Variants in USP54 observed in about 807,000 individuals in gnomAD.
USP54 encodes the protein ubiquitin specific peptidase 54.
A neutral mutation model predicts 170.5 loss-of-function variants in USP54; 87 were observed. The ratio of observed to expected loss-of-function variants is 0.51; its 90% CI spans 0.43 to 0.61. The LOEUF (loss-of-function observed/expected upper bound fraction) is 0.61. Ranked by LOEUF, USP54 falls within the 20% of genes least tolerant of loss-of-function variation. The pLI, the probability that USP54 is intolerant of heterozygous loss-of-function variation, is 0.00. For missense variants in USP54, 1,786 were observed against 2,047.8 expected (o/e 0.87, Z 2.47); for synonymous variants, 655 against 742.8 (o/e 0.88, Z 1.92).
At chr10:73,522,558 C>T (rs1055211080) in intron 17 of USP54, among the ~76,000 whole-genome samples, 7 of 152,116 alleles carry the variant, frequency 4.6e-5, no homozygotes, top group African/African-American at 1.7e-4. Context: ...TGACAAGACC[C>T]CTTTTTTCAG....
At chr10:73,587,140 GAAGCAGC>G (rs1170062872) in intron 1 of USP54, among the ~76,000 whole-genome samples, 1 of 152,056 alleles carries the variant, frequency 6.6e-6, no homozygotes, top group Non-Finnish European at 1.5e-5. Context: ...ACTTCTAAAG[GAAGCAGC>G]ATGGTAGTAG....
At chr10:73,553,168 C>T (rs1272591211) in intron 4 of USP54, 4 of 152,196 alleles carry the variant, frequency 2.6e-5, no homozygotes, top group Non-Finnish European at 5.9e-5. Context: ...AGATCTGGCT[C>T]CCCAGTTCAG....
chr10:73,587,708 T>C (rs1382955431), intron 1 of USP54, among the ~76,000 whole-genome samples: 1 of 152,098 alleles, frequency 6.6e-6, no homozygotes, highest in African/African-American at 2.4e-5. Context: ...TCAGAAAAAA[T>C]GTGACTAATA....
At chr10:73,585,065 G>A (rs2077319395) in intron 1 of USP54, among the ~76,000 whole-genome samples, 3 of 152,096 alleles carry the variant, frequency 2.0e-5, no homozygotes, top group Non-Finnish European at 4.4e-5. Flanking sequence ...TATTCTTTTG[G>A]CTGGAAAAGA....
chr10:73,521,964 G>A (rs2061972883), intron 17 of USP54, among the ~76,000 whole-genome samples: 1 of 152,180 alleles, frequency 6.6e-6, no homozygotes, highest in Non-Finnish European at 1.5e-5. Flanking sequence ...AAGCTGTAAT[G>A]TAATTTCACC....
At chr10:73,615,813 G>A (rs1369314458) in intron 1 of USP54, among the ~76,000 whole-genome samples, 1 of 148,582 alleles carries the variant, frequency 6.7e-6, no homozygotes, top group Admixed American at 6.6e-5. Context: ...CCAGCTACTC[G>A]GGAGGTTGAG....
chr10:73,512,848 TA>T (rs979119949), intron 20 of USP54, among the ~76,000 whole-genome samples: 3 of 152,274 alleles, frequency 2.0e-5, no homozygotes, highest in African/African-American at 7.2e-5. Context: ...TATGTATCAA[TA>T]TTTTTTTTAA....
intron 1 of USP54, among the ~76,000 whole-genome samples, chr10:73,623,909 C>A (rs1289710539): frequency 1.3e-5 from 2 of 151,776 alleles, no homozygotes; most frequent in African/African-American, 2.4e-5. Flanking sequence ...ATGAATTAAT[C>A]TTTTTTCACT....
intron 1 of USP54, among the ~76,000 whole-genome samples, chr10:73,605,113 C>T (rs1192359194): frequency 6.6e-6 from 1 of 152,110 alleles, no homozygotes; most frequent in Admixed American, 6.6e-5. Context: ...GCACTGATTG[C>T]TGTGTTTACA....
chr10:73,508,551 G>GTA (rs1411469401), intron 20 of USP54, among the ~76,000 whole-genome samples: 1 of 152,050 alleles, frequency 6.6e-6, no homozygotes, highest in Non-Finnish European at 1.5e-5. Context: ...CTGATATGAT[G>GTA]TAAGAAATAC....
chr10:73,581,732 C>T (rs1257876673), intron 1 of USP54, among the ~76,000 whole-genome samples: 2 of 152,066 alleles, frequency 1.3e-5, no homozygotes, highest in East Asian at 3.8e-4. Flanking sequence ...ATCAAAGAAA[C>T]ATCTAATGTT....
chr10:73,514,304 T>C (rs2060697785), intron 20 of USP54, among the ~76,000 whole-genome samples: 1 of 152,114 alleles, frequency 6.6e-6, no homozygotes, highest in Non-Finnish European at 1.5e-5. Context: ...GGCTCACGTG[T>C]ATAATCCCTG....
In USP54 at chr10:73,498,089, G is replaced by A. The variant is rs1223185533; in HGVS notation, c.*540C>T. The A allele has an allele frequency of 6.6e-6, 1 of 152,406 alleles. No individual in the cohort carries two copies. Among genetic ancestry groups the A allele is most frequent in the Non-Finnish European group, 1.5e-5 (1 of 68,262 alleles). 9.4% of individuals were successfully genotyped at this position (152,406 alleles called of 1,614,324 possible). A position where few individuals can be genotyped will look rare whatever the true frequency, so the allele number is the denominator to read the frequency against. ...GTGGCTCAGATAAAACCCTTAAACA[G>A]CAGCTGCTTCCTTTTGCTAGGGGGA... On this transcript the variant is annotated 3_prime_UTR_variant, in exon 24 of 24. Transcript: ENST00000687698.
At chr10:73,511,895 A>G (rs2060274553) in intron 20 of USP54, among the ~76,000 whole-genome samples, 1 of 150,610 alleles carries the variant, frequency 6.6e-6, no homozygotes, top group Non-Finnish European at 1.5e-5. Context: ...GGCACGTGCC[A>G]CAATACCCGG....
At chr10:73,563,702 G>A (rs2073636670) in intron 4 of USP54, among the ~76,000 whole-genome samples, 1 of 152,170 alleles carries the variant, frequency 6.6e-6, no homozygotes, top group South Asian at 2.1e-4. Context: ...CTCCCAAAGT[G>A]CTGGGATTAC....
At chr10:73,557,846 C>A (rs947106569) in intron 4 of USP54, among the ~76,000 whole-genome samples, 3 of 150,806 alleles carry the variant, frequency 2.0e-5, no homozygotes, top group African/African-American at 7.3e-5. Flanking sequence ...CACATCAAGA[C>A]CAGCTCAAGA....
intron 1 of USP54, among the ~76,000 whole-genome samples, chr10:73,583,595 T>G (rs1054402110): frequency 1.4e-4 from 22 of 152,010 alleles, no homozygotes. Flanking sequence ...CAAAAAAAAT[T>G]TTTTTTAATT....
upstream of USP54, among the ~76,000 whole-genome samples, chr10:73,594,508 A>G (rs1189421799): frequency 6.6e-6 from 1 of 152,086 alleles, no homozygotes. Context: ...GGGTTCATGC[A>G]ATCTTCTACC....
At chr10:73,601,342 CA>C (rs1425824418) in intron 1 of USP54, among the ~76,000 whole-genome samples, 1 of 152,040 alleles carries the variant, frequency 6.6e-6, no homozygotes, top group African/African-American at 2.4e-5. Context: ...AAAGTCACCT[CA>C]AAAAGAAGCA....
Sources: gnomAD v4.1 joint callset for allele counts (sites outside exome capture counted in the v4.1 genomes callset) on GRCh38, gnomAD v4.1.1 for gene constraint, MANE v1.5 for transcripts, NCBI Gene and HGNC (gene_info 2026-07-23, HGNC 2026-07-21) for gene names.